Variants in TXNDC16 observed in about 807,000 individuals in gnomAD.
The protein encoded by TXNDC16 is thioredoxin domain containing 16.
TXNDC16 carries 74 observed loss-of-function variants against 85.6 expected under a neutral mutation model. The ratio of observed to expected loss-of-function variants is 0.86; its 90% CI spans 0.72 to 1.05. The LOEUF is 1.05. Ranked by LOEUF, TXNDC16 falls within the 50% of genes least tolerant of loss-of-function variation. The pLI is 0.00. For synonymous variants in TXNDC16, 335 were observed against 326.5 expected, an observed-to-expected ratio of 1.03 and a Z score of -0.28; for missense variants, 959 against 947.0, an observed-to-expected ratio of 1.01 and a Z score of -0.17.
At chr14:52,445,918 T>A (rs1240161778) in intron 18 of TXNDC16, among the ~76,000 whole-genome samples, 1 of 152,212 alleles carries the variant, frequency 6.6e-6, no homozygotes, top group Non-Finnish European at 1.5e-5. Flanking sequence ...AAGTGATGCA[T>A]GACTGTAAAA....
intron 4 of TXNDC16, 70 bp downstream of exon 4, chr14:52,542,301 A>G (rs1594767594): frequency 1.0e-6 from 1 of 976,054 alleles, no homozygotes; most frequent in South Asian, 1.5e-5. Flanking sequence ...ATTTTAAGAT[A>G]TTCAATCTTA....
intron 16 of TXNDC16, among the ~76,000 whole-genome samples, chr14:52,460,386 A>T (rs895084441): frequency 1.3e-5 from 2 of 152,200 alleles, no homozygotes; most frequent in African/African-American, 4.8e-5. Flanking sequence ...ATTCCTATCA[A>T]ACTACCAATG....
chr14:52,514,879 C>T lies in TXNDC16; in HGVS notation c.605+1G>A. 1 of 1,605,036 alleles carries T rather than the reference C, an allele frequency of 6.2e-7. No homozygotes were observed. Among genetic ancestry groups the T allele is most frequent in the Non-Finnish European group, 8.5e-7 (1 of 1,174,636 alleles). The stretch of plus-strand genomic sequence containing the variant: ...TGTTGACATATGCTTTTTATACATA[C>T]CCAATACTTTCCAAAAGGGCAATTT... On this transcript the variant is annotated splice_donor_variant, in intron 8 of 20. Transcript: ENST00000281741. LOFTEE classifies it high-confidence loss of function.
intron 9 of TXNDC16, among the ~76,000 whole-genome samples, chr14:52,509,583 G>GTA (rs60251850): frequency 0.096 from 14,587 of 151,662 alleles, 811 homozygotes; most frequent in East Asian, 0.17. Context: ...CATGGCACAT[G>GTA]TATATATATG....
At chr14:52,487,978 A>G (rs1253563840) in intron 12 of TXNDC16, among the ~76,000 whole-genome samples, 1 of 152,252 alleles carries the variant, frequency 6.6e-6, no homozygotes, top group Admixed American at 6.5e-5. Flanking sequence ...TACAAGTACA[A>G]ATATAACAAT....
chr14:52,451,263 TAA>T (rs577968352), intron 18 of TXNDC16, among the ~76,000 whole-genome samples: 1 of 137,082 alleles, frequency 7.3e-6, no homozygotes. Context: ...TATTGAAATT[TAA>T]AAAAAAAAAA....
At chr14:52,462,917 C>T (rs769530809) in intron 16 of TXNDC16, 1 of 455,624 alleles carries the variant, frequency 2.2e-6, no homozygotes, top group South Asian at 1.6e-5. Flanking sequence ...TATGTTGAAT[C>T]TTGGCTTTGG....
chr14:52,488,534 A>T (rs1284226326), intron 11 of TXNDC16, 48 bp from the exon 12 acceptor site: 5 of 1,491,682 alleles, frequency 3.4e-6, no homozygotes, highest in African/African-American at 1.4e-5. Flanking sequence ...AAGTATTTTG[A>T]CATAAAAATG....
At chr14:52,448,203 A>C (rs1476545056) in intron 18 of TXNDC16, among the ~76,000 whole-genome samples, 1 of 152,108 alleles carries the variant, frequency 6.6e-6, no homozygotes, top group Non-Finnish European at 1.5e-5. Context: ...GTTATAAAAC[A>C]CTATGCAGAT....
chr14:52,521,505 TTG>T (rs1267458418), intron 6 of TXNDC16, among the ~76,000 whole-genome samples: 2 of 152,128 alleles, frequency 1.3e-5, no homozygotes, highest in Non-Finnish European at 2.9e-5. Flanking sequence ...ATCTAATCTG[TTG>T]TGACATCACA....
chr14:52,524,725 C>T (rs538402019), intron 6 of TXNDC16, among the ~76,000 whole-genome samples: 4 of 152,180 alleles, frequency 2.6e-5, no homozygotes, highest in African/African-American at 9.6e-5. Flanking sequence ...GAACTCCTGG[C>T]CTCAAGTGAT....
chr14:52,524,207 G>A (rs2037274528), intron 6 of TXNDC16, among the ~76,000 whole-genome samples: 1 of 152,202 alleles, frequency 6.6e-6, no homozygotes, highest in Non-Finnish European at 1.5e-5. Context: ...AGGTTCTACA[G>A]TAACAATGCC....
At chr14:52,473,140 G>A (rs756516249) in intron 14 of TXNDC16, among the ~76,000 whole-genome samples, 4 of 151,988 alleles carry the variant, frequency 2.6e-5, no homozygotes, top group Non-Finnish European at 5.9e-5. Context: ...CGACACATTC[G>A]CTGCCAGCCA....
intron 12 of TXNDC16, among the ~76,000 whole-genome samples, chr14:52,484,654 C>T (rs1239320858): frequency 6.6e-6 from 1 of 151,894 alleles, no homozygotes; most frequent in African/African-American, 2.4e-5. Flanking sequence ...CCGAGGTGGA[C>T]GGATCACTTG....
intron 1 of TXNDC16, among the ~76,000 whole-genome samples, chr14:52,549,594 G>A (rs578130106): frequency 6.6e-6 from 1 of 151,632 alleles, no homozygotes; most frequent in Admixed American, 6.6e-5. Context: ...TTGGTATAGG[G>A]TACTGTATGC....
At chr14:52,438,002 G>A (rs781374) in intron 20 of TXNDC16, among the ~76,000 whole-genome samples, 3,562 of 152,256 alleles carry the variant, frequency 0.023, 122 homozygotes, top group African/African-American at 0.08. Context: ...TGCAGATGGG[G>A]TATAAATAAC....
intron 16 of TXNDC16, among the ~76,000 whole-genome samples, chr14:52,469,181 T>C (rs1315571982): frequency 6.6e-6 from 1 of 151,538 alleles, no homozygotes; most frequent in Non-Finnish European, 1.5e-5. Flanking sequence ...ATCCTGTCTC[T>C]ACAAAAACAC....
chr14:52,507,337 C>T (rs969282247), intron 9 of TXNDC16, among the ~76,000 whole-genome samples: 3 of 151,884 alleles, frequency 2.0e-5, no homozygotes, highest in South Asian at 2.1e-4. Flanking sequence ...GAATAAAATA[C>T]CTAGGAATCC....
In TXNDC16 at chr14:52,517,872, C is replaced by T. The variant is rs114983393; in HGVS notation, c.514+1300G>A. Among the ~76,000 whole-genome samples, 601 of 152,292 alleles carry T rather than the reference C, an allele frequency of 3.9e-3. 6 individuals are homozygous for T. Among genetic ancestry groups the T allele is most frequent in the African/African-American group, 0.014 (571 of 41,568 alleles). On this transcript the variant is annotated intron_variant, in intron 7 of 20. Transcript: ENST00000281741. ...AACTTTTCTAACAAGTCTCCGTGTT[C>T]GGCCTTCAATTGCTCTCTACCTCTT...
Sources: allele counts gnomAD v4.1 joint callset (sites outside exome capture counted in the v4.1 genomes callset), GRCh38; gene constraint gnomAD v4.1.1; transcripts MANE v1.5; gene names NCBI Gene and HGNC (gene_info 2026-07-23, HGNC 2026-07-21).